The following MKRN2OS variants were observed in gnomAD, a reference collection of about 807,000 sequenced individuals.
MKRN2OS encodes the protein MKRN2 opposite strand protein.
A neutral mutation model predicts 18.2 loss-of-function variants in MKRN2OS; 17 were observed. That is an observed-to-expected ratio of 0.93 (90% CI 0.64 to 1.40). The LOEUF (loss-of-function observed/expected upper bound fraction) is 1.40, where lower values mean the gene tolerates loss of function less well. MKRN2OS is among the 40% of genes most tolerant of loss of function. The pLI is 0.00. For synonymous variants in MKRN2OS, 121 were observed against 108.5 expected (o/e 1.12, Z -0.72); for missense variants, 337 against 283.0 (o/e 1.19, Z -1.37).
At chr3:12,543,667 T>A (rs2057847147) in intron 1 of MKRN2OS, among the ~76,000 whole-genome samples, 1 of 148,544 alleles carries the variant, frequency 6.7e-6, no homozygotes, top group African/African-American at 2.5e-5. Flanking sequence ...GGGAGGATCT[T>A]TTGAGGCCAG....
chr3:12,550,049 TCAA>T (rs1346575506), upstream of MKRN2OS, among the ~76,000 whole-genome samples: 1 of 152,214 alleles, frequency 6.6e-6, no homozygotes, highest in Non-Finnish European at 1.5e-5. Context: ...ATTACAAAAC[TCAA>T]CAAACTCTTA....
Position 12,557,085 on chromosome 3 carries a change from C to T in MKRN2OS, n.265-2951G>A, listed in dbSNP as rs556076914. 2.3e-4 allele frequency: 329 copies of T among 1,450,114 alleles called. 1 individual carries two copies. In the African/African-American group the frequency reaches 4.2e-3, roughly 18 times the overall value. The allele number at this position is 1,450,114 out of a possible 1,614,324, so 89.8% of individuals were successfully genotyped here. ...CTACGCGGGATGGGCCGGGCCAGGG[C>T]CAAGGCCGAGGCGGCAGCGGCTGCG... On this transcript the variant is annotated intron_variant and non_coding_transcript_variant, in intron 1 of 1. Coordinates refer to the MKRN2OS transcript ENST00000447550.
downstream of MKRN2OS, among the ~76,000 whole-genome samples, chr3:12,551,593 AG>A (rs1483539986): frequency 6.6e-6 from 1 of 152,186 alleles, no homozygotes; most frequent in Non-Finnish European, 1.5e-5. Flanking sequence ...AACAAATAAC[AG>A]ATTATGTGAA....
intron 1 of MKRN2OS, among the ~76,000 whole-genome samples, chr3:12,544,085 G>A (rs976310633): frequency 2.0e-5 from 3 of 152,012 alleles, no homozygotes; most frequent in African/African-American, 7.3e-5. Context: ...CTAACAGTAT[G>A]ACCAAAACCT....
chr3:12,543,123 T>C lies in MKRN2OS; in HGVS notation c.268+57A>G, dbSNP rs187407855. On this transcript the variant is annotated intron_variant, in intron 2 of 3. Transcript: ENST00000564146. ...GTTGCCATAATCAAATCTCCACAAATACTGCTTTCCTTTTGCTGGGTAGTA... is the reference window on the plus strand; with the variant it reads ...GTTGCCATAATCAAATCTCCACAAACACTGCTTTCCTTTTGCTGGGTAGTA... The C allele has an allele frequency of 2.9e-6, 4 of 1,394,988 alleles. No homozygotes were observed. The Admixed American group carries it at 6.2e-5, about 21-fold the overall frequency. 86.4% of individuals were successfully genotyped at this position (1,394,988 alleles called of 1,614,324 possible).
At chr3:12,548,592 A>G (rs918253722), upstream of MKRN2OS, among the ~76,000 whole-genome samples, 5 of 151,720 alleles carry the variant, frequency 3.3e-5, no homozygotes, top group Admixed American at 2.6e-4. Flanking sequence ...TGACTGCACC[A>G]TTGCACTCCA....
chr3:12,546,682 G>A (rs1376711322), upstream of MKRN2OS, among the ~76,000 whole-genome samples: 2 of 148,174 alleles, frequency 1.3e-5, no homozygotes, highest in African/African-American at 5.0e-5. Flanking sequence ...CTGGGTTCAA[G>A]TAATTCTGCC....
intron 1 of MKRN2OS, chr3:12,557,323 A>C: frequency 8.5e-7 from 1 of 1,171,150 alleles, no homozygotes; most frequent in South Asian, 1.7e-5. Flanking sequence ...TGCGAGGCAG[A>C]GCGAGCGCTG....
At chr3:12,552,405 T>A (rs1199993613), downstream of MKRN2OS, among the ~76,000 whole-genome samples, 1 of 138,790 alleles carries the variant, frequency 7.2e-6, no homozygotes, top group Non-Finnish European at 1.5e-5. Flanking sequence ...TAATTTTTTT[T>A]AATTTTTAAT....
downstream of MKRN2OS, among the ~76,000 whole-genome samples, chr3:12,552,505 G>A (rs1162902496): frequency 5.3e-5 from 8 of 149,640 alleles, no homozygotes; most frequent in Non-Finnish European, 7.4e-5. Flanking sequence ...TCTGCCTCCC[G>A]GGTTCAAGCG....
chr3:12,558,827 T>G (rs146503238), intron 1 of MKRN2OS, among the ~76,000 whole-genome samples: 22 of 152,322 alleles, frequency 1.4e-4, no homozygotes, highest in African/African-American at 4.1e-4. Context: ...TTTAAGTGTT[T>G]AGTCATGTTT....
chr3:12,556,614 G>A (rs576073318), intron 1 of MKRN2OS, among the ~76,000 whole-genome samples: 13 of 152,300 alleles, frequency 8.5e-5, no homozygotes, highest in African/African-American at 3.1e-4. Flanking sequence ...TGGGGAAAGA[G>A]CAGTTGGGAG....
In MKRN2OS at chr3:12,545,400, C is replaced by T; in HGVS notation, c.65G>A (p.Ser22Asn). The T allele has an allele frequency of 6.5e-7, 1 of 1,535,820 alleles. No homozygotes were observed. Among genetic ancestry groups the T allele is most frequent in the Non-Finnish European group, 8.7e-7 (1 of 1,146,822 alleles). ...AGGGCAGCACTGGGGCACACTGAAGCTGTAGATGTATTTCTCACAGTGGTT... is the reference window on the plus strand; with the variant it reads ...AGGGCAGCACTGGGGCACACTGAAGTTGTAGATGTATTTCTCACAGTGGTT... Reference protein sequence around the residue: ...KFNHCEKYIYSFSVPQCCPLC... With the variant: ...KFNHCEKYIYNFSVPQCCPLC... Residue 22 changes from serine to asparagine, a missense_variant, in exon 1 of 4, where the codon AGC becomes AAC. Physicochemically the swap from Ser to Asn is conservative, Grantham distance 46 (BLOSUM62 1). Coordinates refer to ENST00000564146, the MANE Select transcript of MKRN2OS (RefSeq NM_001195279.2).
chr3:12,545,333 T>C lies in MKRN2OS; in HGVS notation c.132A>G (p.Ala44=), dbSNP rs1399745901. ...QDLGSRKLED[A]PVSIANPFTN... Reference sequence around the variant, plus strand: ...TAAATGGATTAGCGATGCTAACAGGTGCGTCCTCCAGCTTCCTCGAGCCCA... The same window carrying C: ...TAAATGGATTAGCGATGCTAACAGGCGCGTCCTCCAGCTTCCTCGAGCCCA... Residue 44 remains alanine (A), a synonymous_variant, in exon 1 of 4, where the codon GCA becomes GCG. Coordinates refer to ENST00000564146, the MANE Select transcript of MKRN2OS (RefSeq NM_001195279.2). 1.3e-6 allele frequency: 2 copies of C among 1,536,070 alleles called. No homozygotes were observed. Among genetic ancestry groups the C allele is most frequent in the Admixed American group, 2.0e-5 (1 of 50,994 alleles).
At chr3:12,555,962 TCAAAA>T (rs2057965942) in intron 1 of MKRN2OS, among the ~76,000 whole-genome samples, 1 of 147,856 alleles carries the variant, frequency 6.8e-6, no homozygotes, top group East Asian at 2.1e-4. Flanking sequence ...AGACCCTGCC[TCAAAA>T]CAAAACAAAA....
chr3:12,549,713 A>G (rs886957462), upstream of MKRN2OS, among the ~76,000 whole-genome samples: 5 of 152,046 alleles, frequency 3.3e-5, no homozygotes, highest in African/African-American at 4.8e-5. Flanking sequence ...ACAGCTGGCT[A>G]ATATTTTAAT....
chr3:12,545,617 A>T, upstream of MKRN2OS: 2 of 542,854 alleles, frequency 3.7e-6, no homozygotes, highest in Non-Finnish European at 6.4e-6. Context: ...AGGATTAACC[A>T]GTAGCCAGGC....
chr3:12,551,128 G>A (rs899095198), downstream of MKRN2OS, among the ~76,000 whole-genome samples: 1 of 150,946 alleles, frequency 6.6e-6, no homozygotes, highest in Non-Finnish European at 1.5e-5. Context: ...CCACCCTCCT[G>A]CCCTGACAGC....
At chr3:12,560,478 T>TAAAAAAAAAAAAAA (rs10651248) in intron 1 of MKRN2OS, among the ~76,000 whole-genome samples, 2 of 124,970 alleles carry the variant, frequency 1.6e-5, no homozygotes, top group African/African-American at 2.8e-5. Flanking sequence ...TAGGAAAATG[T>TAAAAAAAAAAAAAA]AAAAAAAAAA....
Sources: allele counts gnomAD v4.1 joint callset (sites outside exome capture counted in the v4.1 genomes callset), GRCh38; gene constraint gnomAD v4.1.1; transcripts MANE v1.5; gene names NCBI Gene and HGNC (gene_info 2026-07-23, HGNC 2026-07-21).